RAP1GDS1: variants seen among roughly 807,000 people sequenced by gnomAD.
RAP1GDS1 encodes the protein RAP1, GTP-GDP dissociation stimulator 1.
Under a neutral mutation model 71.1 loss-of-function variants are expected in RAP1GDS1, and 35 were observed. The ratio of observed to expected loss-of-function variants is 0.49; its 90% CI spans 0.38 to 0.65. The LOEUF (loss-of-function observed/expected upper bound fraction) is 0.65. Among genes scored for constraint, RAP1GDS1 ranks in the 30% least tolerant of loss-of-function variants. RAP1GDS1 has a pLI of 0.00. For missense variants in RAP1GDS1, 663 were observed against 706.1 expected (o/e 0.94, Z 0.69); for synonymous variants, 229 against 243.1 (o/e 0.94, Z 0.54).
intron 1 of RAP1GDS1, among the ~76,000 whole-genome samples, chr4:98,263,761 T>C (rs770035839): frequency 3.3e-5 from 5 of 152,214 alleles, no homozygotes; most frequent in African/African-American, 7.2e-5. Flanking sequence ...CCTGAAGATA[T>C]AGTCTTCATC....
chr4:98,355,562 T>G (rs1387712655), intron 4 of RAP1GDS1, among the ~76,000 whole-genome samples: 2 of 152,196 alleles, frequency 1.3e-5, no homozygotes, highest in Non-Finnish European at 2.9e-5. Flanking sequence ...CTATTGGAGA[T>G]AAAAATTTGA....
intron 4 of RAP1GDS1, among the ~76,000 whole-genome samples, chr4:98,367,113 C>T (rs879859360): frequency 2.0e-5 from 3 of 152,100 alleles, no homozygotes; most frequent in Non-Finnish European, 2.9e-5. Flanking sequence ...TTTTGTGGGC[C>T]GGGCCTAGGG....
At position 98,416,800 on chromosome 4, in the gene RAP1GDS1, T is replaced by C; in HGVS notation, c.819T>C (p.Ile273=). The C allele has an allele frequency of 6.2e-7, 1 of 1,612,690 alleles. No homozygotes were observed. ...EAGLVECLLE[I]VQQKVDSDKE... is the part of the protein sequence containing the mutation. ...GCCTAGTAGAGTGTCTACTAGAGAT[T>C]GTTCAGCAAAAAGTGGATAGTGACA... The change falls in exon 8 of 15, where the codon ATT becomes ATC. Residue 273 remains isoleucine (I), a synonymous_variant. Transcript: ENST00000408927.
chr4:98,415,452 A>G (rs1747809181), intron 7 of RAP1GDS1, among the ~76,000 whole-genome samples: 1 of 152,184 alleles, frequency 6.6e-6, no homozygotes, highest in Admixed American at 6.5e-5. Context: ...TTATTTGGGA[A>G]CTGATAAATG....
chr4:98,287,752 A>G (rs1309477314), intron 1 of RAP1GDS1, among the ~76,000 whole-genome samples: 3 of 151,870 alleles, frequency 2.0e-5, no homozygotes, highest in African/African-American at 7.3e-5. Context: ...AATATTGCAC[A>G]CATGCACCTG....
intron 8 of RAP1GDS1, 131 bp from the exon 9 acceptor site, chr4:98,417,236 A>T: frequency 2.1e-6 from 2 of 946,000 alleles, no homozygotes; most frequent in Admixed American, 2.8e-5. Flanking sequence ...AAAAAGAATC[A>T]TTACTTTTCC....
chr4:98,427,082 T>C (rs1009052988), intron 12 of RAP1GDS1, among the ~76,000 whole-genome samples: 3 of 152,142 alleles, frequency 2.0e-5, no homozygotes, highest in African/African-American at 7.2e-5. Flanking sequence ...AGTCAATAAA[T>C]GTGACACACC....
At chr4:98,416,698 C>T (rs1748081352) in intron 7 of RAP1GDS1, 47 bp from the exon 8 acceptor site, 1 of 1,519,828 alleles carries the variant, frequency 6.6e-7, no homozygotes, top group Non-Finnish European at 9.1e-7. Flanking sequence ...TACCAGAGCT[C>T]CTATTTTATC....
intron 1 of RAP1GDS1, among the ~76,000 whole-genome samples, chr4:98,281,821 G>T (rs1725151349): frequency 6.6e-6 from 1 of 152,082 alleles, no homozygotes; most frequent in African/African-American, 2.4e-5. Context: ...AGCATGAAGG[G>T]CTGTTGAATT....
intron 1 of RAP1GDS1, among the ~76,000 whole-genome samples, chr4:98,265,895 A>G (rs1376166281): frequency 3.3e-5 from 5 of 152,098 alleles, no homozygotes; most frequent in African/African-American, 9.7e-5. Context: ...ATATTTTTCT[A>G]AAAAGCCACT....
intron 1 of RAP1GDS1, among the ~76,000 whole-genome samples, chr4:98,278,506 T>C (rs1043018476): frequency 6.6e-6 from 1 of 152,214 alleles, no homozygotes; most frequent in Non-Finnish European, 1.5e-5. Flanking sequence ...CACAGTTAAC[T>C]ACTTATGATC....
chr4:98,438,523 T>G (rs1578893691), intron 14 of RAP1GDS1, among the ~76,000 whole-genome samples: 1 of 148,894 alleles, frequency 6.7e-6, no homozygotes, highest in East Asian at 2.0e-4. Context: ...TATTTCTGAC[T>G]TCCTATGGGT....
intron 4 of RAP1GDS1, among the ~76,000 whole-genome samples, chr4:98,356,938 A>G (rs1278251058): frequency 6.6e-6 from 1 of 152,006 alleles, no homozygotes; most frequent in Admixed American, 6.5e-5. Context: ...CACTATTTTA[A>G]TATAAAGTCT....
intron 12 of RAP1GDS1, among the ~76,000 whole-genome samples, chr4:98,425,350 C>T (rs1352759365): frequency 6.6e-6 from 1 of 151,986 alleles, no homozygotes; most frequent in Non-Finnish European, 1.5e-5. Flanking sequence ...GGTATACAGG[C>T]AACAGATAGC....
intron 4 of RAP1GDS1, among the ~76,000 whole-genome samples, chr4:98,354,094 C>T (rs1368800728): frequency 2.1e-5 from 3 of 142,706 alleles, no homozygotes; most frequent in Admixed American, 7.3e-5. Flanking sequence ...CTCGCTCTGT[C>T]GCCCAGGCCG....
chr4:98,269,015 G>C (rs965839055), intron 1 of RAP1GDS1, among the ~76,000 whole-genome samples: 2 of 151,886 alleles, frequency 1.3e-5, no homozygotes, highest in Non-Finnish European at 2.9e-5. Context: ...TGAGCAAGAA[G>C]AACAAGGCCA....
intron 3 of RAP1GDS1, among the ~76,000 whole-genome samples, chr4:98,348,922 G>C (rs907369281): frequency 6.6e-6 from 1 of 152,128 alleles, no homozygotes; most frequent in Non-Finnish European, 1.5e-5. Context: ...TACGTTGCCT[G>C]TTCACTCTGA....
chr4:98,278,693 C>G (rs981884012), intron 1 of RAP1GDS1, among the ~76,000 whole-genome samples: 1 of 152,030 alleles, frequency 6.6e-6, no homozygotes, highest in African/African-American at 2.4e-5. Context: ...TTATCATTGT[C>G]ATTGATTAAG....
intron 7 of RAP1GDS1, 111 bp from the exon 8 acceptor site, chr4:98,416,634 G>A (rs1748072380): frequency 9.7e-7 from 1 of 1,028,122 alleles, no homozygotes; most frequent in Non-Finnish European, 1.4e-6. Flanking sequence ...ACAGGCGTGA[G>A]CCACCGCACC....
Sources: allele counts gnomAD v4.1 joint callset (sites outside exome capture counted in the v4.1 genomes callset), GRCh38; gene constraint gnomAD v4.1.1; transcripts MANE v1.5; gene names NCBI Gene and HGNC (gene_info 2026-07-23, HGNC 2026-07-21).